ZMYND12: variants seen among roughly 807,000 people sequenced by gnomAD.
The protein encoded by ZMYND12 is zinc finger MYND-type containing 12.
Under a neutral mutation model 41.7 loss-of-function variants are expected in ZMYND12, and 32 were observed. That is an observed-to-expected ratio of 0.77 (90% CI 0.58 to 1.03). ZMYND12 has a LOEUF of 1.03. Ranked by LOEUF, ZMYND12 falls within the 50% of genes least tolerant of loss-of-function variation. ZMYND12 has a pLI of 0.00. For synonymous variants in ZMYND12, 148 were observed against 164.8 expected (o/e 0.90, Z 0.78); for missense variants, 424 against 438.5 (o/e 0.97, Z 0.30).
chr1:42,440,666 TTTTG>T (rs1416592005), intron 3 of ZMYND12, among the ~76,000 whole-genome samples: 1 of 146,768 alleles, frequency 6.8e-6, no homozygotes, highest in African/African-American at 2.6e-5. Flanking sequence ...ATTGTCCTTT[TTTTG>T]TTGTTGTTGT....
At position 42,430,812 on chromosome 1, in the gene ZMYND12, T is replaced by A; in HGVS notation, c.1022A>T (p.Gln341Leu). The change falls in exon 8 of 8, where the codon CAG becomes CTG. Residue 341 changes from glutamine to leucine, a missense_variant. Transcript: ENST00000372565. ...MRALSLAKEQQLDVHEQSTIQ... is the reference protein window; with the variant it reads ...MRALSLAKEQLLDVHEQSTIQ... ...GGTGCTTTGCTCATGGACATCAAGC[T>A]GTTGTTCTTTGGCTAGACTGAGGGC... is the stretch of plus-strand genomic sequence containing the variant. 4 of 1,614,206 alleles carry A rather than the reference T, an allele frequency of 2.5e-6. No individual in the cohort carries two copies. The highest frequency in any genetic ancestry group is 3.4e-6 in the Non-Finnish European group (4 of 1,180,032).
chr1:42,437,863 A>G (rs953385976), intron 4 of ZMYND12, among the ~76,000 whole-genome samples: 7 of 152,046 alleles, frequency 4.6e-5, no homozygotes, highest in African/African-American at 1.7e-4. Flanking sequence ...GTATATTTAG[A>G]CGGGGTTTCA....
At chr1:42,434,518 G>A (rs961820414) in intron 6 of ZMYND12, among the ~76,000 whole-genome samples, 5 of 152,060 alleles carry the variant, frequency 3.3e-5, no homozygotes, top group Non-Finnish European at 5.9e-5. Context: ...TGGTAGGGGC[G>A]AGTAAAGCTT....
chr1:42,455,526 G>A (rs1244632481), intron 1 of ZMYND12, among the ~76,000 whole-genome samples: 2 of 152,174 alleles, frequency 1.3e-5, no homozygotes, highest in African/African-American at 4.8e-5. Flanking sequence ...CGCCCGCCTC[G>A]GCCTCCCGAA....
In ZMYND12 at chr1:42,448,510, T is replaced by C. The variant is rs757937411; in HGVS notation, c.381A>G (p.Val127=). The stretch of plus-strand genomic sequence containing the variant: ...ACAGCAGGTAAGCAGGCACAAGCTC[T>C]ACGGAGCTCAGGCCATACAGCTTCA... ...FRVKLYGLSS[V]ELVPAYLLLA... The change falls in exon 3 of 8, where the codon GTA becomes GTG. Residue 127 remains valine (V), a synonymous_variant. Coordinates refer to ENST00000372565, the MANE Select transcript of ZMYND12 (RefSeq NM_032257.5). 4 of 1,611,662 alleles carry C rather than the reference T, an allele frequency of 2.5e-6. No homozygotes were observed. Among genetic ancestry groups the C allele is most frequent in the Non-Finnish European group, 3.4e-6 (4 of 1,178,846 alleles).
intron 4 of ZMYND12, among the ~76,000 whole-genome samples, chr1:42,436,942 G>C (rs749146972): frequency 7.2e-5 from 11 of 152,248 alleles, no homozygotes; most frequent in Admixed American, 5.2e-4. Context: ...GTTACTACAT[G>C]ACCCAGAAAT....
intron 7 of ZMYND12, 62 bp downstream of exon 7, chr1:42,433,081 G>T: frequency 6.3e-7 from 1 of 1,594,646 alleles, no homozygotes. Context: ...CACAAATTTT[G>T]AGTTCAACTA....
intron 3 of ZMYND12, among the ~76,000 whole-genome samples, chr1:42,442,859 G>C (rs1642984859): frequency 6.6e-6 from 1 of 152,122 alleles, no homozygotes; most frequent in Non-Finnish European, 1.5e-5. Flanking sequence ...AAACTAAAAT[G>C]GGAAACTACT....
Position 42,454,330 on chromosome 1 carries a change from T to C in ZMYND12, c.110+1558A>G, listed in dbSNP as rs148871559. Among the ~76,000 whole-genome samples, 972 of 152,310 alleles carry C rather than the reference T, an allele frequency of 6.4e-3. 8 individuals carry two copies. Among genetic ancestry groups the C allele is most frequent in the African/African-American group, 0.022 (934 of 41,558 alleles). On this transcript the variant is annotated intron_variant, in intron 1 of 7. Coordinates refer to ENST00000372565, the MANE Select transcript of ZMYND12 (RefSeq NM_032257.5). ...GAGGAGATAGCAATGAAAACACAGA[T>C]ACCATCCCTGCCCTTGTGGGGCATA...
At chr1:42,446,790 T>A (rs1261715699) in intron 3 of ZMYND12, among the ~76,000 whole-genome samples, 1 of 151,930 alleles carries the variant, frequency 6.6e-6, no homozygotes, top group Non-Finnish European at 1.5e-5. Context: ...AAAGCATGAG[T>A]ACATCTAGTG....
intron 3 of ZMYND12, among the ~76,000 whole-genome samples, chr1:42,442,591 G>A (rs887511442): frequency 1.3e-5 from 2 of 152,148 alleles, no homozygotes; most frequent in Admixed American, 6.5e-5. Flanking sequence ...GGTAGGAGGC[G>A]TGCTCTGGGG....
At chr1:42,431,961 A>T (rs1642857712) in intron 7 of ZMYND12, among the ~76,000 whole-genome samples, 1 of 151,834 alleles carries the variant, frequency 6.6e-6, no homozygotes, top group Non-Finnish European at 1.5e-5. Flanking sequence ...AAATTTTCCC[A>T]TGTCACCCAC....
intron 3 of ZMYND12, among the ~76,000 whole-genome samples, chr1:42,447,624 A>T (rs1048413335): frequency 7.9e-5 from 12 of 152,248 alleles, no homozygotes; most frequent in African/African-American, 2.7e-4. Flanking sequence ...GGGACACTGA[A>T]GTATTCTAAG....
chr1:42,451,728 G>A (rs1164117144), intron 1 of ZMYND12, among the ~76,000 whole-genome samples: 1 of 152,180 alleles, frequency 6.6e-6, no homozygotes, highest in Non-Finnish European at 1.5e-5. Context: ...TTTTGGGGAG[G>A]TAGAGAATTA....
chr1:42,448,078 C>A (rs1044709924), intron 3 of ZMYND12, among the ~76,000 whole-genome samples: 2 of 152,146 alleles, frequency 1.3e-5, no homozygotes, highest in African/African-American at 4.8e-5. Flanking sequence ...CTACAGTGAG[C>A]ATAGGGTAGA....
chr1:42,436,621 T>A, intron 4 of ZMYND12, 78 bp from the exon 5 acceptor site: 2 of 1,515,046 alleles, frequency 1.3e-6, no homozygotes, highest in South Asian at 1.2e-5. Flanking sequence ...GTATCTAGAA[T>A]ACATACAAAA....
intron 3 of ZMYND12, among the ~76,000 whole-genome samples, chr1:42,442,598 G>A (rs1642982807): frequency 6.6e-6 from 1 of 152,082 alleles, no homozygotes; most frequent in South Asian, 2.1e-4. Context: ...GGCGTGCTCT[G>A]GGGGCGAAGC....
intron 1 of ZMYND12, among the ~76,000 whole-genome samples, chr1:42,450,939 A>G (rs1010257506): frequency 6.6e-6 from 1 of 152,244 alleles, no homozygotes; most frequent in Non-Finnish European, 1.5e-5. Flanking sequence ...GGTGGAGAAC[A>G]TACTCTGTAT....
In ZMYND12 at chr1:42,430,846, C is replaced by T; in HGVS notation, c.988G>A (p.Gly330Ser). The T allele has an allele frequency of 5.6e-6, 9 of 1,614,136 alleles. No homozygotes were observed. The highest frequency in any genetic ancestry group is 7.6e-6 in the Non-Finnish European group (9 of 1,180,010). ...TTGGCTAGACTGAGGGCCCTCATGCCATATTCCTGTGCCTGAAATAGAATT... is the reference window on the plus strand; with the variant it reads ...TTGGCTAGACTGAGGGCCCTCATGCTATATTCCTGTGCCTGAAATAGAATT... ...MMNSSKAQEY[G>S]MRALSLAKEQ... Residue 330 changes from glycine (G) to serine (S), a missense_variant, in exon 8 of 8, where the codon GGC becomes AGC. Physicochemically the swap from Gly to Ser is moderately conservative, Grantham distance 56. Coordinates refer to ENST00000372565, the MANE Select transcript of ZMYND12 (RefSeq NM_032257.5).
Sources: gnomAD v4.1 joint callset for allele counts (sites outside exome capture counted in the v4.1 genomes callset) on GRCh38, gnomAD v4.1.1 for gene constraint, MANE v1.5 for transcripts, NCBI Gene and HGNC (gene_info 2026-07-23, HGNC 2026-07-21) for gene names.